DAB1: variants seen among roughly 807,000 people sequenced by gnomAD.
The protein encoded by DAB1 is DAB adaptor protein 1, also known as disabled homolog 1.
A neutral mutation model predicts 64.6 loss-of-function variants in DAB1; 15 were observed. That is an observed-to-expected ratio of 0.23 (90% confidence interval 0.16 to 0.36). DAB1 has a LOEUF of 0.36. DAB1 is among the 10% of genes least tolerant of loss of function. The pLI is 1.00. For synonymous variants in DAB1, 235 were observed against 251.9 expected (o/e 0.93, Z 0.64); for missense variants, 596 against 706.7 (o/e 0.84, Z 1.78).
At chr1:58,049,905 T>C (rs1647524771) in intron 5 of DAB1, among the ~76,000 whole-genome samples, 1 of 143,004 alleles carries the variant, frequency 7.0e-6, no homozygotes, top group Admixed American at 7.1e-5. Flanking sequence ...GGAAAGAAAT[T>C]ATTTTGAAAA....
At chr1:57,970,052 C>T (rs1645760609) in intron 5 of DAB1, among the ~76,000 whole-genome samples, 1 of 152,098 alleles carries the variant, frequency 6.6e-6, no homozygotes, top group Non-Finnish European at 1.5e-5. Context: ...ACCTCTTCTA[C>T]CATGTGAGGA....
chr1:57,265,906 G>A (rs6658540), intron 2 of DAB1, among the ~76,000 whole-genome samples: 6,164 of 152,246 alleles, frequency 0.04, 412 homozygotes, highest in African/African-American at 0.14. Context: ...CTAGAAGCTT[G>A]AGATTAGAGA....
At chr1:58,041,721 A>T (rs1647139107) in intron 5 of DAB1, among the ~76,000 whole-genome samples, 2 of 152,226 alleles carry the variant, frequency 1.3e-5, no homozygotes, top group Admixed American at 1.3e-4. Flanking sequence ...GGCAGCTCAA[A>T]TTCCTCTAGC....
chr1:57,133,461 G>A (rs755768481), intron 4 of DAB1, among the ~76,000 whole-genome samples: 5 of 152,062 alleles, frequency 3.3e-5, no homozygotes, highest in Non-Finnish European at 5.9e-5. Context: ...CTCCTTCCTC[G>A]TCATCCATCT....
chr1:57,288,646 G>A (rs994593647), intron 2 of DAB1, among the ~76,000 whole-genome samples: 1 of 152,126 alleles, frequency 6.6e-6, no homozygotes, highest in African/African-American at 2.4e-5. Context: ...ACATGTTTCT[G>A]TTGTTTAAGC....
chr1:57,426,090 T>C (rs1041217063), upstream of DAB1, among the ~76,000 whole-genome samples: 1 of 152,188 alleles, frequency 6.6e-6, no homozygotes, highest in Admixed American at 6.5e-5. Flanking sequence ...CATTGAAGTT[T>C]CTCAATGCTT....
intron 6 of DAB1, among the ~76,000 whole-genome samples, chr1:57,755,794 T>G (rs1481411048): frequency 2.6e-5 from 4 of 152,206 alleles, no homozygotes. Context: ...TCCATCATCA[T>G]GCTGCCACGT....
At chr1:57,277,597 C>T (rs568295190) in intron 2 of DAB1, among the ~76,000 whole-genome samples, 45 of 152,294 alleles carry the variant, frequency 3.0e-4, no homozygotes, top group African/African-American at 1.1e-3. Context: ...GCTCTCATGA[C>T]TATCCATCAC....
At chr1:58,011,375 A>C (rs1335553991) in intron 5 of DAB1, among the ~76,000 whole-genome samples, 1 of 152,202 alleles carries the variant, frequency 6.6e-6, no homozygotes, top group African/African-American at 2.4e-5. Context: ...TCTTCATCTT[A>C]AATCAAGGCC....
intron 1 of DAB1, among the ~76,000 whole-genome samples, chr1:57,373,747 G>A (rs1680681268): frequency 2.0e-5 from 3 of 152,106 alleles, no homozygotes; most frequent in Non-Finnish European, 4.4e-5. Context: ...AATCAGGGAG[G>A]GTGGCTCTCG....
At chr1:57,243,931 A>G (rs1411971690) in intron 2 of DAB1, among the ~76,000 whole-genome samples, 1 of 152,120 alleles carries the variant, frequency 6.6e-6, no homozygotes, top group Non-Finnish European at 1.5e-5. Flanking sequence ...TATTCCTCCC[A>G]GGGACCTTCC....
intron 5 of DAB1, among the ~76,000 whole-genome samples, chr1:57,937,167 G>A (rs1250464546): frequency 3.3e-5 from 5 of 151,996 alleles, no homozygotes; most frequent in African/African-American, 1.2e-4. Flanking sequence ...ATTTATAAGA[G>A]GCACAAATAA....
At chr1:57,668,334 G>A (rs920423598) in intron 6 of DAB1, among the ~76,000 whole-genome samples, 2 of 152,028 alleles carry the variant, frequency 1.3e-5, no homozygotes, top group African/African-American at 4.8e-5. Context: ...AGCTGTAAAG[G>A]ACAGTAGTGG....
chr1:57,060,008 A>C (rs1650216048), intron 9 of DAB1, among the ~76,000 whole-genome samples: 2 of 152,154 alleles, frequency 1.3e-5, no homozygotes, highest in Non-Finnish European at 2.9e-5. Flanking sequence ...ATATTTTGCA[A>C]GCAAAATTTC....
chr1:57,532,309 G>A (rs1207575333), intron 7 of DAB1, among the ~76,000 whole-genome samples: 3 of 120,824 alleles, frequency 2.5e-5, no homozygotes, highest in African/African-American at 8.8e-5. Flanking sequence ...TTAATGAAGA[G>A]CCTGTAGGCT....
chr1:58,346,337 T>C (rs1643997164), intron 3 of DAB1, among the ~76,000 whole-genome samples: 1 of 152,240 alleles, frequency 6.6e-6, no homozygotes, highest in African/African-American at 2.4e-5. Context: ...GTCCTCATAT[T>C]GTATTTGCAA....
At chr1:58,539,317 CA>C (rs753291283) in intron 1 of DAB1, 501 of 624,674 alleles carry the variant, frequency 8.0e-4, no homozygotes, top group South Asian at 1.2e-3. Flanking sequence ...CTACCTGAAA[CA>C]AAAAAAAAAC....
chr1:57,728,992 G>T (rs1379055946), intron 6 of DAB1, among the ~76,000 whole-genome samples: 1 of 152,158 alleles, frequency 6.6e-6, no homozygotes, highest in Non-Finnish European at 1.5e-5. Flanking sequence ...GACTTTGTAG[G>T]TGACTCATGT....
chr1:58,029,364 C>T (rs1489156145), intron 5 of DAB1, among the ~76,000 whole-genome samples: 1 of 152,202 alleles, frequency 6.6e-6, no homozygotes, highest in South Asian at 2.1e-4. Context: ...CTTCTGATGT[C>T]AAGTCCACTT....
Sources: gnomAD v4.1 joint callset for allele counts (sites outside exome capture counted in the v4.1 genomes callset) on GRCh38, gnomAD v4.1.1 for gene constraint, MANE v1.5 for transcripts, NCBI Gene and HGNC (gene_info 2026-07-23, HGNC 2026-07-21) for gene names.